TNFSF8: variants seen among roughly 807,000 people sequenced by gnomAD.
TNFSF8 encodes the protein tumor necrosis factor ligand superfamily member 8.
Under a neutral mutation model 22.0 loss-of-function variants are expected in TNFSF8, and 4 were observed. That is an observed-to-expected ratio of 0.18 (90% CI 0.09 to 0.42). The LOEUF is 0.42. Ranked by LOEUF, TNFSF8 falls within the 10% of genes least tolerant of loss-of-function variation. The pLI is 1.00. For synonymous variants in TNFSF8, 106 were observed against 112.5 expected (o/e 0.94, Z 0.37); for missense variants, 233 against 281.8 (o/e 0.83, Z 1.24).
intron 4 of TNFSF8, among the ~76,000 whole-genome samples, chr9:114,894,939 C>T (rs1012094144): frequency 4.6e-5 from 7 of 152,134 alleles, no homozygotes; most frequent in African/African-American, 1.7e-4. Flanking sequence ...CCTTTCTTCC[C>T]TTGAGTACTG....
At chr9:114,929,084 T>G (rs4978612) in intron 1 of TNFSF8, among the ~76,000 whole-genome samples, 1 of 152,032 alleles carries the variant, frequency 6.6e-6, no homozygotes, top group African/African-American at 2.4e-5. Context: ...ATCAAAAAAT[T>G]CATGAGCAAT....
Position 114,902,497 on chromosome 9 carries a change from T to A in TNFSF8, c.*1434A>T. The A allele has an allele frequency of 2.0e-6, 2 of 985,420 alleles. No individual in the cohort carries two copies. The highest frequency in any genetic ancestry group is 1.7e-5 in the African/African-American group (1 of 57,354). 61.0% of individuals were successfully genotyped at this position (985,420 alleles called of 1,614,324 possible). On this transcript the variant is annotated 3_prime_UTR_variant, in exon 4 of 4. Transcript: ENST00000223795. The stretch of plus-strand genomic sequence containing the variant: ...ATAGAGTCAGGCCTCGTCAGATGGT[T>A]TCCCAAACACCCAGATGGTCTCTTA...
chr9:114,905,791 T>A, intron 3 of TNFSF8, 37 bp downstream of exon 3: 1 of 1,537,800 alleles, frequency 6.5e-7, no homozygotes, highest in Non-Finnish European at 9.0e-7. Context: ...CAGAAGCGGT[T>A]TTCATATGTT....
At chr9:114,899,661 CGCAGTGGCTTG>C (rs1277144441), downstream of TNFSF8, among the ~76,000 whole-genome samples, 12 of 152,166 alleles carry the variant, frequency 7.9e-5, no homozygotes, top group Non-Finnish European at 1.6e-4. Context: ...GGGCTGATTT[CGCAGTGGCTTG>C]GCAGAGCTGT....
At chr9:114,918,940 C>T (rs1448779215) in intron 1 of TNFSF8, among the ~76,000 whole-genome samples, 3 of 152,172 alleles carry the variant, frequency 2.0e-5, no homozygotes, top group South Asian at 2.1e-4. Context: ...TTTCCCCCCT[C>T]CATATGTTTG....
chr9:114,907,534 C>G (rs17292087), intron 2 of TNFSF8, among the ~76,000 whole-genome samples: 54,884 of 151,962 alleles, frequency 0.36, 10,443 homozygotes, highest in Admixed American at 0.45. Flanking sequence ...GCATGGAAGC[C>G]CTTTCTGACT....
chr9:114,899,342 A>ATTTTTTT (rs137946179), downstream of TNFSF8, among the ~76,000 whole-genome samples: 36 of 142,608 alleles, frequency 2.5e-4, 2 homozygotes, highest in African/African-American at 4.0e-4. Flanking sequence ...ACAGTAAGTT[A>ATTTTTTT]TTATTTTTTT....
At chr9:114,904,378 T>C (rs1827759097) in intron 3 of TNFSF8, 53 bp from the exon 4 acceptor site, 1 of 1,532,224 alleles carries the variant, frequency 6.5e-7, no homozygotes, top group Non-Finnish European at 8.7e-7. Context: ...TAGGTACGCA[T>C]TGCAAAATTC....
At chr9:114,927,352 C>G (rs183885642) in intron 1 of TNFSF8, among the ~76,000 whole-genome samples, 13 of 152,068 alleles carry the variant, frequency 8.5e-5, no homozygotes, top group African/African-American at 2.9e-4. Flanking sequence ...CTTTGTCTCT[C>G]CCAAGGAGTT....
intron 2 of TNFSF8, among the ~76,000 whole-genome samples, chr9:114,917,214 A>C (rs1312685777): frequency 1.3e-5 from 2 of 152,050 alleles, no homozygotes; most frequent in Non-Finnish European, 2.9e-5. Context: ...ACATTAACTC[A>C]CTTCCTTACT....
chr9:114,924,885 A>T (rs1478016402), intron 1 of TNFSF8, among the ~76,000 whole-genome samples: 1 of 152,184 alleles, frequency 6.6e-6, no homozygotes, highest in East Asian at 1.9e-4. Context: ...ACCTCCCCAC[A>T]TAACCTCACA....
At chr9:114,894,268 T>C (rs1827635808) in intron 4 of TNFSF8, 5 of 916,608 alleles carry the variant, frequency 5.5e-6, no homozygotes, top group East Asian at 5.3e-5. Flanking sequence ...GGGAGGCAAA[T>C]GTACAATCAT....
At chr9:114,901,090 G>C (rs1283816295), downstream of TNFSF8, 1 of 985,174 alleles carries the variant, frequency 1.0e-6, no homozygotes, top group African/African-American at 1.7e-5. Context: ...AGGAGCAAGG[G>C]AAGGAGCTCA....
exon 5 of TNFSF8, chr9:114,893,350 C>T (rs1827624649): frequency 6.6e-6 from 1 of 152,194 alleles, no homozygotes. Context: ...GGCTGTGTTC[C>T]AATAAAACTT....
chr9:114,913,160 C>T lies in TNFSF8; in HGVS notation c.238+4936G>A, dbSNP rs148781184. On this transcript the variant is annotated intron_variant, in intron 2 of 3. Coordinates refer to ENST00000223795, the MANE Select transcript of TNFSF8 (RefSeq NM_001244.4). Reference sequence around the variant, plus strand: ...CTGGGCCAGTCCTCTGCATTTCATACCCCAACTTTGGCTACAGACTGAATT... The same window carrying T: ...CTGGGCCAGTCCTCTGCATTTCATATCCCAACTTTGGCTACAGACTGAATT... 3.7e-3 allele frequency among the ~76,000 whole-genome samples: 560 copies of T among 152,290 alleles called. 3 individuals are homozygous for T. The highest frequency in any genetic ancestry group is 0.013 in the African/African-American group (535 of 41,550).
At chr9:114,919,675 C>A (rs935830602) in intron 1 of TNFSF8, among the ~76,000 whole-genome samples, 2 of 152,122 alleles carry the variant, frequency 1.3e-5, no homozygotes, top group African/African-American at 4.8e-5. Context: ...GCGAAAAAAC[C>A]AACTTCCTAA....
At chr9:114,919,102 G>C (rs1405912980) in intron 1 of TNFSF8, among the ~76,000 whole-genome samples, 1 of 151,334 alleles carries the variant, frequency 6.6e-6, no homozygotes. Context: ...TGTCTCCTGT[G>C]GTTGGAAATT....
chr9:114,918,019 T>C, intron 2 of TNFSF8, 77 bp downstream of exon 2: 8 of 1,435,768 alleles, frequency 5.6e-6, no homozygotes, highest in Non-Finnish European at 7.6e-6. Flanking sequence ...TGTTTCTGGT[T>C]GATAATCAGG....
At chr9:114,911,293 C>T (rs183816151) in intron 2 of TNFSF8, among the ~76,000 whole-genome samples, 7 of 152,254 alleles carry the variant, frequency 4.6e-5, no homozygotes, top group Admixed American at 4.6e-4. Flanking sequence ...TTAATCCTTC[C>T]AAGAAGGAAA....
Sources: allele counts gnomAD v4.1 joint callset (sites outside exome capture counted in the v4.1 genomes callset), GRCh38; gene constraint gnomAD v4.1.1; transcripts MANE v1.5; gene names NCBI Gene and HGNC (gene_info 2026-07-23, HGNC 2026-07-21).